The following NPIPB2 variants were observed in gnomAD, a reference collection of about 807,000 sequenced individuals.
NPIPB2 encodes the protein nuclear pore complex interacting protein family member B2, also known as nuclear pore complex-interacting protein family member B2.
NPIPB2 carries 27 observed loss-of-function variants against 30.8 expected under a neutral mutation model. That is an observed-to-expected ratio of 0.88 (90% CI 0.65 to 1.21). The LOEUF (loss-of-function observed/expected upper bound fraction) is 1.21, where lower values mean the gene tolerates loss of function less well. NPIPB2 is among the 50% of genes most tolerant of loss of function. The pLI is 0.00. For synonymous variants in NPIPB2, 147 were observed against 162.0 expected, an observed-to-expected ratio of 0.91 and a Z score of 0.70; for missense variants, 440 against 446.2, an observed-to-expected ratio of 0.99 and a Z score of 0.13.
At chr16:11,928,927 TC>T in intron 7 of NPIPB2, 1 of 6,586 alleles carries the variant, frequency 1.5e-4, no homozygotes, top group Admixed American at 5.7e-4. Context: ...TTTAAGGCCT[TC>T]ATTTGGAATT....
At chr16:11,941,674 T>C (rs541096342) in intron 1 of NPIPB2, among the ~76,000 whole-genome samples, 108 of 151,752 alleles carry the variant, frequency 7.1e-4, no homozygotes, top group African/African-American at 2.4e-3. Flanking sequence ...TGGGGCTTTA[T>C]ACTCCCTCTC....
chr16:11,958,798 G>T (rs1438553891), intron 1 of NPIPB2, among the ~76,000 whole-genome samples: 1 of 152,118 alleles, frequency 6.6e-6, no homozygotes, highest in Non-Finnish European at 1.5e-5. Flanking sequence ...TAAAGAGGTG[G>T]TAACAATCAG....
At chr16:11,973,619 G>A (rs2055249121) in intron 1 of NPIPB2, among the ~76,000 whole-genome samples, 7 of 152,146 alleles carry the variant, frequency 4.6e-5, no homozygotes, top group Admixed American at 4.6e-4. Flanking sequence ...CCAGGTTGGA[G>A]TGCAGTGGTG....
intron 1 of NPIPB2, among the ~76,000 whole-genome samples, chr16:11,969,866 T>C (rs542377331): frequency 1.3e-5 from 2 of 152,218 alleles, no homozygotes; most frequent in South Asian, 4.1e-4. Flanking sequence ...ACTAGCTCAT[T>C]TTATTTTTTT....
chr16:11,949,373 C>A (rs1046181324), intron 1 of NPIPB2, among the ~76,000 whole-genome samples: 1 of 152,130 alleles, frequency 6.6e-6, no homozygotes, highest in Non-Finnish European at 1.5e-5. Flanking sequence ...GTGTGACCAG[C>A]GCTACATAGC....
intron 1 of NPIPB2, among the ~76,000 whole-genome samples, chr16:11,958,862 G>T (rs781719038): frequency 5.9e-5 from 9 of 152,228 alleles, no homozygotes; most frequent in Non-Finnish European, 1.2e-4. Flanking sequence ...ATAAGGGAAG[G>T]AATGAGACTT....
intron 1 of NPIPB2, among the ~76,000 whole-genome samples, chr16:11,976,306 T>C (rs1315067461): frequency 6.6e-6 from 1 of 152,218 alleles, no homozygotes; most frequent in Non-Finnish European, 1.5e-5. Context: ...TATGGAACAC[T>C]TTCCCTGGGG....
rs1178340048 is a variant in NPIPB2 at position 11,973,881 on chromosome 16, G to T, written c.-584+2687C>A. On this transcript the variant is annotated intron_variant, in intron 1 of 5. Transcript: ENST00000538896. ...GACTGGGGAGAAGAGGAATTCTGTTGAGGAGCAATAAAGGATCACTGGAGA... is the reference window on the plus strand; with the variant it reads ...GACTGGGGAGAAGAGGAATTCTGTTTAGGAGCAATAAAGGATCACTGGAGA... Among the ~76,000 whole-genome samples, 3 of 152,314 alleles carry T rather than the reference G, an allele frequency of 2.0e-5. No individual in the cohort carries two copies. The South Asian group carries it at 6.2e-4, about 32-fold the overall frequency.
intron 1 of NPIPB2, among the ~76,000 whole-genome samples, chr16:11,963,315 G>C (rs555646282): frequency 4.5e-4 from 69 of 151,918 alleles, no homozygotes; most frequent in African/African-American, 1.6e-3. Context: ...GGGAGGTGGA[G>C]GTTGCAGTGA....
exon 3 of NPIPB2, chr16:11,933,898 C>G: frequency 6.4e-7 from 1 of 1,556,600 alleles, no homozygotes; most frequent in Non-Finnish European, 8.8e-7. Context: ...CATTTTCAGA[C>G]TGGAAGATAG....
chr16:11,973,563 T>C (rs966565849), intron 1 of NPIPB2, among the ~76,000 whole-genome samples: 2 of 152,186 alleles, frequency 1.3e-5, no homozygotes, highest in East Asian at 3.9e-4. Context: ...CAGCAGCTTA[T>C]AAATTATTTA....
chr16:11,962,215 A>AAT (rs1057387066), intron 1 of NPIPB2, among the ~76,000 whole-genome samples: 2 of 149,480 alleles, frequency 1.3e-5, no homozygotes, highest in African/African-American at 4.9e-5. Context: ...AAAAAAAAAA[A>AAT]AAAGGCTGGG....
chr16:11,961,283 T>A (rs1453368864), intron 1 of NPIPB2, among the ~76,000 whole-genome samples: 1 of 152,098 alleles, frequency 6.6e-6, no homozygotes, highest in Non-Finnish European at 1.5e-5. Context: ...CTGGGCCAGC[T>A]GCTTCAGCTT....
intron 1 of NPIPB2, chr16:11,966,151 TTA>T (rs1567479144): frequency 1.2e-5 from 18 of 1,539,698 alleles, no homozygotes; most frequent in Non-Finnish European, 1.5e-5. Flanking sequence ...TATGTGAATA[TTA>T]TGTTATCAGC....
intron 1 of NPIPB2, among the ~76,000 whole-genome samples, chr16:11,952,275 G>A (rs1052055218): frequency 4.0e-5 from 6 of 151,798 alleles, no homozygotes; most frequent in East Asian, 1.9e-4. Flanking sequence ...GTGAACCGGG[G>A]AGGTGGAGCT....
chr16:11,944,902 G>C (rs1244262867), upstream of NPIPB2, among the ~76,000 whole-genome samples: 5 of 151,170 alleles, frequency 3.3e-5, no homozygotes, highest in Admixed American at 3.3e-4. Flanking sequence ...TAGCCAGCCG[G>C]GCACGGTGGC....
intron 1 of NPIPB2, among the ~76,000 whole-genome samples, chr16:11,963,634 T>C (rs1231636017): frequency 1.3e-5 from 2 of 152,172 alleles, no homozygotes; most frequent in African/African-American, 4.8e-5. Flanking sequence ...TCAGAGATAA[T>C]CACTATACTG....
At chr16:11,944,293 A>C (rs2054978371), upstream of NPIPB2, among the ~76,000 whole-genome samples, 2 of 151,384 alleles carry the variant, frequency 1.3e-5, no homozygotes, top group Admixed American at 6.6e-5. Context: ...TTAAGTCCCA[A>C]GTAGCTGGGA....
chr16:11,969,891 C>T (rs935413007), intron 1 of NPIPB2, among the ~76,000 whole-genome samples: 1 of 151,980 alleles, frequency 6.6e-6, no homozygotes, highest in African/African-American at 2.4e-5. Context: ...CGGGGTCTTG[C>T]TCTGTTGCCC....
Sources: allele counts gnomAD v4.1 joint callset (sites outside exome capture counted in the v4.1 genomes callset), GRCh38; gene constraint gnomAD v4.1.1; transcripts MANE v1.5; gene names NCBI Gene and HGNC (gene_info 2026-07-23, HGNC 2026-07-21).